The following HELZ2 variants were observed in gnomAD, a reference collection of about 807,000 sequenced individuals.
HELZ2 encodes the protein 3'-5' exoribonuclease HELZ2.
In HELZ2, 143 loss-of-function variants were observed where a neutral mutation model predicts 208.8. The ratio of observed to expected loss-of-function variants is 0.68; its 90% CI spans 0.60 to 0.79. The LOEUF is 0.79. Among genes scored for constraint, HELZ2 ranks in the 30% least tolerant of loss-of-function variants. The pLI is 0.00. For missense variants in HELZ2, 3,690 were observed against 3,794.5 expected, an observed-to-expected ratio of 0.97 and a Z score of 0.72; for synonymous variants, 1,705 against 1,693.7, an observed-to-expected ratio of 1.01 and a Z score of -0.16.
exon 8 of HELZ2, chr20:63,565,053 C>A (rs756570097): frequency 1.3e-6 from 2 of 1,562,434 alleles, no homozygotes; most frequent in Admixed American, 1.9e-5. Context: ...CGGGCCTCGG[C>A]GGTGAGCCTC....
At position 63,561,874 on chromosome 20, in the gene HELZ2, G is replaced by A. The variant is rs755292402; in HGVS notation, c.6640C>T (p.Pro2214Ser). 1.8e-4 allele frequency: 283 copies of A among 1,571,342 alleles called. No homozygotes were observed. The highest frequency in any genetic ancestry group is 2.3e-4 in the Non-Finnish European group (263 of 1,158,156). Residue 2214 changes from proline (P) to serine (S), a missense_variant, in exon 11 of 19, where the codon CCC (proline) becomes TCC (serine). Physicochemically the swap from Pro to Ser is moderately conservative, Grantham distance 74. Transcript: ENST00000467148. ...GAGGGGCCGCAGTACAAGATGCAGGGACCCCCCAGCCGCTTCTCCCCACGG... is the reference window on the plus strand; with the variant it reads ...GAGGGGCCGCAGTACAAGATGCAGGAACCCCCCAGCCGCTTCTCCCCACGG...
Position 63,560,096 on chromosome 20 carries a change from C to G in HELZ2, c.7658-1G>C. On this transcript the variant is annotated splice_acceptor_variant, in intron 17 of 18. Transcript: ENST00000467148. LOFTEE classifies it high-confidence loss of function. ...ACCAGCACATAGCGCCACTCGCTCC[C>G]TGCGGGATGGGAGGTGAGGCCCTGC... 6.3e-7 allele frequency: 1 copy of G among 1,590,352 alleles called. No homozygotes were observed. The highest frequency in any genetic ancestry group is 8.5e-7 in the Non-Finnish European group (1 of 1,172,472).
At chr20:63,560,049 G>T in exon 18 of HELZ2, 1 of 1,610,560 alleles carries the variant, frequency 6.2e-7, no homozygotes. Flanking sequence ...GGTCGCTCTT[G>T]GCACAGGTGC....
chr20:63,560,090 C>T (rs1430353161), exon 18 of HELZ2: 9 of 1,593,824 alleles, frequency 5.6e-6, no homozygotes, highest in South Asian at 3.3e-5. Context: ...TAGCGCCACT[C>T]GCTCCCTGCG....
chr20:63,563,737 G>A (rs1204269969), exon 8 of HELZ2: 4 of 1,598,856 alleles, frequency 2.5e-6, no homozygotes, highest in Non-Finnish European at 2.6e-6. Context: ...AGTAGGCAGA[G>A]CCCCCATGGC....
chr20:63,559,533 G>A (rs1227699039), intron 18 of HELZ2, among the ~76,000 whole-genome samples, 163 bp from the exon 20 acceptor site: 3 of 54,946 alleles, frequency 5.5e-5, no homozygotes, highest in Admixed American at 1.6e-4. Flanking sequence ...TCAGAGTCAG[G>A]TGGGAGGAGT....
chr20:63,558,786 C>T (rs1242620406), downstream of HELZ2: 1 of 152,870 alleles, frequency 6.5e-6, no homozygotes, highest in Admixed American at 6.5e-5. Flanking sequence ...GATCTGCCCG[C>T]CTCGGCTTCC....
exon 8 of HELZ2, chr20:63,565,127 T>C (rs757748838): frequency 1.3e-6 from 2 of 1,576,330 alleles, no homozygotes; most frequent in South Asian, 2.3e-5. Flanking sequence ...CGATGGGTCC[T>C]TCAGCTCGGC....
At chr20:63,568,808 T>C (rs759746966) in exon 5 of HELZ2, 1 of 1,612,198 alleles carries the variant, frequency 6.2e-7, no homozygotes, top group Admixed American at 1.7e-5. Context: ...CACCGTATTG[T>C]CGGGTGCAGG....
At chr20:63,564,330 G>A (rs767785365) in exon 8 of HELZ2, 30 of 1,584,994 alleles carry the variant, frequency 1.9e-5, no homozygotes, top group Middle Eastern at 3.3e-4. Context: ...AGGCGGTGCC[G>A]GCGCAGCAGC....
chr20:63,568,822 A>G, exon 5 of HELZ2: 2 of 1,612,180 alleles, frequency 1.2e-6, no homozygotes, highest in Non-Finnish European at 1.7e-6. Context: ...GTGCAGGTAC[A>G]GGGGCCACCA....
chr20:63,560,277 G>C, exon 17 of HELZ2: 1 of 1,564,660 alleles, frequency 6.4e-7, no homozygotes, highest in African/African-American at 1.4e-5. Flanking sequence ...GGACGGCGAT[G>C]TCCTGGGGCT....
chr20:63,562,669 C>A, exon 8 of HELZ2: 1 of 1,598,194 alleles, frequency 6.3e-7, no homozygotes. Flanking sequence ...GCTCCTGGTC[C>A]CAGTCCTGCG....
chr20:63,570,915 G>T, intron 1 of HELZ2, 47 bp from the exon 3 acceptor site: 1 of 1,490,934 alleles, frequency 6.7e-7, no homozygotes, highest in Non-Finnish European at 9.1e-7. Flanking sequence ...CACAGCCGCC[G>T]TGCTGAGTTC....
At chr20:63,567,005 C>T (rs1292221232) in exon 6 of HELZ2, 33 of 1,610,886 alleles carry the variant, frequency 2.0e-5, no homozygotes, top group Non-Finnish European at 2.4e-5. Flanking sequence ...CTGCCCGCCA[C>T]GTGGCAGAAC....
chr20:63,566,184 T>A, exon 8 of HELZ2: 1 of 1,523,844 alleles, frequency 6.6e-7, no homozygotes, highest in Non-Finnish European at 8.8e-7. Context: ...CTGAGCAGGC[T>A]CTGGCAGGTG....
At chr20:63,559,278 G>C in exon 19 of HELZ2, 2 of 1,586,088 alleles carry the variant, frequency 1.3e-6, no homozygotes, top group Non-Finnish European at 1.7e-6. Context: ...CTGCAGACGC[G>C]CACCTGGCCG....
exon 14 of HELZ2, chr20:63,561,126 G>A (rs778684077): frequency 3.1e-6 from 5 of 1,612,836 alleles, no homozygotes; most frequent in Non-Finnish European, 3.4e-6. Flanking sequence ...AGGGTTTCAG[G>A]TTCCGTGGCC....
At chr20:63,567,094 C>T (rs143690120) in exon 6 of HELZ2, 15 of 1,612,016 alleles carry the variant, frequency 9.3e-6, no homozygotes, top group African/African-American at 4.0e-5. Flanking sequence ...GTAGAAGTGC[C>T]GCGAGATGAA....
Sources: allele counts gnomAD v4.1 joint callset (sites outside exome capture counted in the v4.1 genomes callset), GRCh38; gene constraint gnomAD v4.1.1; transcripts MANE v1.5; gene names NCBI Gene and HGNC (gene_info 2026-07-23, HGNC 2026-07-21).